Variants in EMC7 observed in about 807,000 individuals in gnomAD.
EMC7 encodes ER membrane protein complex subunit 7.
In EMC7, 4 loss-of-function variants were observed where a neutral mutation model predicts 24.4. The observed-to-expected ratio is 0.16, with a 90% CI of 0.08 to 0.38. The LOEUF (loss-of-function observed/expected upper bound fraction) is 0.38. Ranked by LOEUF, EMC7 falls within the 10% of genes least tolerant of loss-of-function variation. The pLI is 1.00. For synonymous variants in EMC7, 106 were observed against 112.0 expected (o/e 0.95, Z 0.34); for missense variants, 221 against 300.6 (o/e 0.74, Z 1.96).
intron 1 of EMC7, chr15:34,101,005 CGAT>C (rs1901164665): frequency 1.3e-5 from 2 of 149,132 alleles, no homozygotes; most frequent in African/African-American, 2.5e-5. Flanking sequence ...GCAAATCTCT[CGAT>C]GAATTCAACT....
At chr15:34,089,180 A>G (rs1368087292) in intron 3 of EMC7, among the ~76,000 whole-genome samples, 1 of 152,216 alleles carries the variant, frequency 6.6e-6, no homozygotes, top group East Asian at 1.9e-4. Context: ...CTAAGACAGC[A>G]ATTCAATTTT....
intron 2 of EMC7, among the ~76,000 whole-genome samples, chr15:34,093,806 C>CACACACACACACACACAT (rs61440619): frequency 6.6e-5 from 2 of 30,254 alleles, no homozygotes; most frequent in African/African-American, 1.7e-4. Flanking sequence ...CACACACACA[C>CACACACACACACACACAT]ATATATATAT....
intron 1 of EMC7, among the ~76,000 whole-genome samples, chr15:34,097,580 AG>A (rs1026224144): frequency 2.6e-5 from 4 of 152,076 alleles, no homozygotes; most frequent in Non-Finnish European, 4.4e-5. Flanking sequence ...TACTATTCTG[AG>A]GGGGGAAAAA....
chr15:34,101,754 G>T lies in EMC7; in HGVS notation c.86C>A (p.Ala29Asp). The part of the protein sequence containing the change: ...GDVQSSEVPG[A>D]AAEGSGGSGV... Reference sequence around the variant, plus strand: ...ACTCCCTCCCGATCCCTCAGCAGCAGCCCCGGGCACCTCCGAGCTCTGGAC... The same window carrying T: ...ACTCCCTCCCGATCCCTCAGCAGCATCCCCGGGCACCTCCGAGCTCTGGAC... Residue 29 changes from alanine to aspartate, a missense_variant, in exon 1 of 5, where the codon GCT becomes GAT. Ala to Asp is a moderately radical substitution (Grantham distance 126). Coordinates refer to ENST00000256545, the MANE Select transcript of EMC7 (RefSeq NM_020154.3). 6.2e-7 allele frequency: 1 copy of T among 1,613,720 alleles called. No homozygotes were observed. Among genetic ancestry groups the T allele is most frequent in the Non-Finnish European group, 8.5e-7 (1 of 1,179,980 alleles).
At chr15:34,096,990 GC>G (rs1483515734) in intron 1 of EMC7, among the ~76,000 whole-genome samples, 1 of 149,178 alleles carries the variant, frequency 6.7e-6, no homozygotes, top group Admixed American at 6.7e-5. Flanking sequence ...AAAAAAAAAG[GC>G]ATTTTGTTCT....
In EMC7 at chr15:34,090,353, T is replaced by C. The variant is rs747402157; in HGVS notation, c.459A>G (p.Glu153=). 1 of 1,614,016 alleles carries C rather than the reference T, an allele frequency of 6.2e-7. No individual in the cohort carries two copies. The highest frequency in any genetic ancestry group is 8.5e-7 in the Non-Finnish European group (1 of 1,179,954). The change falls in exon 3 of 5, where the codon GAA becomes GAG. Residue 153 remains glutamate, a synonymous_variant. Coordinates refer to ENST00000256545, the MANE Select transcript of EMC7 (RefSeq NM_020154.3). ...TTAGAAAGTCTGTCCAGCCCCACGA[T>C]TCCCTTTTAATAAAGTAAGAAGGTG... is the stretch of plus-strand genomic sequence containing the variant. ...SGPPSYFIKR[E]SWGWTDFLMN...
Position 34,095,754 on chromosome 15 carries a change from G to A in EMC7, c.356+141C>T, listed in dbSNP as rs12442535. 9.6e-3 allele frequency: 7,407 copies of A among 768,744 alleles called. 217 individuals carry two copies. Among genetic ancestry groups the A allele is most frequent in the Admixed American group, 0.061 (1,749 of 28,760 alleles). 47.6% of individuals were successfully genotyped at this position (768,744 alleles called of 1,614,324 possible). A position where few individuals can be genotyped will look rare whatever the true frequency, so the allele number is the denominator to read the frequency against. On this transcript the variant is annotated intron_variant, in intron 2 of 4. Transcript: ENST00000256545. The stretch of plus-strand genomic sequence containing the variant: ...TTTTCAATGTTCAGATTAAATAAAC[G>A]AGGATATTTTAAGTGTTTTAAGGAA...
At chr15:34,099,192 T>A (rs1004426977) in intron 1 of EMC7, among the ~76,000 whole-genome samples, 6 of 152,088 alleles carry the variant, frequency 3.9e-5, no homozygotes, top group Non-Finnish European at 4.4e-5. Context: ...CATTTAAAAA[T>A]ATTTCAGAAA....
At position 34,090,447 on chromosome 15, in the gene EMC7, T is replaced by C. The variant is rs776617754; in HGVS notation, c.365A>G (p.Tyr122Cys). ...CTCTGATGTTTTGATGTAATTCACA[T>C]ATCTTGCTCTGATAAAGCAACATGG... ...ITSKGKMRAR[Y>C]VNYIKTSEVV... Residue 122 changes from tyrosine to cysteine, a missense_variant, in exon 3 of 5, where the codon TAT becomes TGT. Physicochemically the swap from Tyr to Cys is radical, Grantham distance 194. Around this residue, in one of 2 missense-constraint regions of EMC7, gnomAD observed 156 missense variants for 177.1 expected, o/e 0.88. Coordinates refer to ENST00000256545, the MANE Select transcript of EMC7 (RefSeq NM_020154.3). 1 of 1,610,220 alleles carries C rather than the reference T, an allele frequency of 6.2e-7. No homozygotes were observed. Among genetic ancestry groups the C allele is most frequent in the Admixed American group, 1.7e-5 (1 of 58,972 alleles).
At chr15:34,100,107 G>A (rs1290005585) in intron 1 of EMC7, among the ~76,000 whole-genome samples, 1 of 152,240 alleles carries the variant, frequency 6.6e-6, no homozygotes, top group Admixed American at 6.5e-5. Context: ...GTGACAGGCT[G>A]AGGCAGAAAT....
At chr15:34,096,269 C>T (rs946561885) in intron 1 of EMC7, among the ~76,000 whole-genome samples, 3 of 152,208 alleles carry the variant, frequency 2.0e-5, no homozygotes, top group Non-Finnish European at 4.4e-5. Context: ...CTCCTGGGTT[C>T]GAGCGATTCT....
intron 2 of EMC7, among the ~76,000 whole-genome samples, chr15:34,093,806 C>CACACACATAT (rs61440619): frequency 3.3e-5 from 1 of 30,248 alleles, no homozygotes; most frequent in African/African-American, 8.7e-5. Context: ...CACACACACA[C>CACACACATAT]ATATATATAT....
intron 1 of EMC7, chr15:34,100,752 A>G (rs1901160738): frequency 6.6e-6 from 1 of 152,208 alleles, no homozygotes; most frequent in Admixed American, 6.5e-5. Context: ...CACCAAAGGA[A>G]ATACTTCCTA....
At chr15:34,085,068 G>A (rs976439159) in intron 4 of EMC7, among the ~76,000 whole-genome samples, 5 of 151,968 alleles carry the variant, frequency 3.3e-5, no homozygotes, top group African/African-American at 9.7e-5. Context: ...ACATTTTTAA[G>A]TTCATGCTTC....
intron 4 of EMC7, chr15:34,086,162 G>A: frequency 2.5e-6 from 1 of 405,868 alleles, no homozygotes. Context: ...TCAAGATCTG[G>A]CCCTTGAATC....
chr15:34,089,760 C>T (rs1597404185), intron 3 of EMC7, among the ~76,000 whole-genome samples: 1 of 152,168 alleles, frequency 6.6e-6, no homozygotes, highest in Admixed American at 6.5e-5. Context: ...AGTTCAAGAC[C>T]AGCCTGGCCA....
intron 2 of EMC7, among the ~76,000 whole-genome samples, chr15:34,093,823 A>T (rs866343410): frequency 4.1e-5 from 2 of 48,704 alleles, no homozygotes; most frequent in African/African-American, 2.2e-4. Context: ...ATATATATAT[A>T]TTTTTTTTTT....
intron 3 of EMC7, among the ~76,000 whole-genome samples, chr15:34,089,136 G>A (rs1327340603): frequency 2.0e-5 from 3 of 152,208 alleles, no homozygotes; most frequent in Non-Finnish European, 2.9e-5. Context: ...GATTACAGGC[G>A]TGAGCCACCG....
At chr15:34,101,568 T>A in intron 1 of EMC7, 36 bp downstream of exon 1, 1 of 1,606,498 alleles carries the variant, frequency 6.2e-7, no homozygotes, top group Non-Finnish European at 8.5e-7. Flanking sequence ...CCGGCCTCCA[T>A]CCCAGCCTTT....
Sources: allele counts gnomAD v4.1 joint callset (sites outside exome capture counted in the v4.1 genomes callset), GRCh38; gene constraint gnomAD v4.1.1; regional missense constraint gnomAD v4.1.1; transcripts MANE v1.5; gene names NCBI Gene and HGNC (gene_info 2026-07-23, HGNC 2026-07-21).